The following PTPRT variants were observed in gnomAD, a reference collection of about 807,000 sequenced individuals.
The protein encoded by PTPRT is protein tyrosine phosphatase receptor type T.
PTPRT carries 56 observed loss-of-function variants against 176.8 expected under a neutral mutation model. The observed-to-expected ratio is 0.32, with a 90% CI of 0.26 to 0.40. The LOEUF is 0.40. PTPRT is among the 10% of genes least tolerant of loss of function. The pLI is 1.00. For missense variants in PTPRT, 1,540 were observed against 1,908.2 expected, an observed-to-expected ratio of 0.81 and a Z score of 3.60; for synonymous variants, 783 against 739.0, an observed-to-expected ratio of 1.06 and a Z score of -0.96.
intron 1 of PTPRT, among the ~76,000 whole-genome samples, chr20:43,151,099 G>A (rs1420402676): frequency 6.6e-6 from 1 of 151,978 alleles, no homozygotes; most frequent in East Asian, 2.0e-4. Context: ...CTGAGGTCAG[G>A]AGTTCAAGAC....
At chr20:42,628,057 A>T (rs571339697) in intron 7 of PTPRT, among the ~76,000 whole-genome samples, 2 of 152,180 alleles carry the variant, frequency 1.3e-5, no homozygotes, top group South Asian at 2.1e-4. Flanking sequence ...CCTAGGAGCC[A>T]TCACAGCCCC....
chr20:42,174,733 C>T (rs960762090), intron 16 of PTPRT, among the ~76,000 whole-genome samples: 3 of 152,156 alleles, frequency 2.0e-5, no homozygotes, highest in South Asian at 2.1e-4. Flanking sequence ...TGGTCTAACA[C>T]GTACAGACTT....
chr20:42,704,307 T>C (rs2076018302), intron 6 of PTPRT, among the ~76,000 whole-genome samples: 1 of 151,664 alleles, frequency 6.6e-6, no homozygotes, highest in Admixed American at 6.6e-5. Context: ...CTTAACACTG[T>C]CTTGCCGAGA....
chr20:42,342,200 A>C (rs376510996), intron 11 of PTPRT, among the ~76,000 whole-genome samples: 8 of 152,334 alleles, frequency 5.3e-5, no homozygotes, highest in African/African-American at 1.9e-4. Flanking sequence ...TATGTATCCC[A>C]ATGGTTGGCA....
intron 9 of PTPRT, among the ~76,000 whole-genome samples, chr20:42,374,604 A>C (rs1263570955): frequency 1.3e-5 from 2 of 152,220 alleles, no homozygotes; most frequent in Non-Finnish European, 2.9e-5. Flanking sequence ...AGAACATGCA[A>C]ATAGAAAAAC....
intron 7 of PTPRT, among the ~76,000 whole-genome samples, chr20:42,561,330 G>A (rs1358929260): frequency 1.3e-5 from 2 of 152,220 alleles, no homozygotes; most frequent in Admixed American, 6.5e-5. Flanking sequence ...AAGGGCAGAG[G>A]CTGGGCCGGG....
At chr20:42,071,615 C>A (rs960066690), downstream of PTPRT, among the ~76,000 whole-genome samples, 7 of 152,128 alleles carry the variant, frequency 4.6e-5, no homozygotes, top group Admixed American at 2.6e-4. Flanking sequence ...GCATCAGGAA[C>A]CACTGGTTTC....
At chr20:42,832,367 A>G (rs1489452378) in intron 2 of PTPRT, among the ~76,000 whole-genome samples, 3 of 152,144 alleles carry the variant, frequency 2.0e-5, no homozygotes, top group African/African-American at 7.2e-5. Context: ...TTGAGGGTGG[A>G]GAGGGAGAGG....
intron 2 of PTPRT, among the ~76,000 whole-genome samples, chr20:42,799,564 G>C (rs2077500474): frequency 6.6e-6 from 1 of 152,072 alleles, no homozygotes. Flanking sequence ...GAAAAACAAT[G>C]GAACCCAAAA....
At chr20:42,781,082 G>A (rs892769960) in intron 3 of PTPRT, among the ~76,000 whole-genome samples, 5 of 151,888 alleles carry the variant, frequency 3.3e-5, no homozygotes, top group South Asian at 4.1e-4. Context: ...AGTCTCTACC[G>A]ACAGTCTCAT....
At chr20:42,856,326 C>T (rs1051610163) in intron 2 of PTPRT, among the ~76,000 whole-genome samples, 1 of 152,044 alleles carries the variant, frequency 6.6e-6, no homozygotes, top group East Asian at 1.9e-4. Flanking sequence ...CAGGTAACTG[C>T]CCCCACTGAT....
At chr20:42,932,692 G>A (rs1245132447) in intron 1 of PTPRT, among the ~76,000 whole-genome samples, 1 of 152,224 alleles carries the variant, frequency 6.6e-6, no homozygotes, top group East Asian at 1.9e-4. Context: ...GGTCACCCCA[G>A]CACCAGCCCA....
chr20:42,907,309 G>A (rs887181705), intron 1 of PTPRT, among the ~76,000 whole-genome samples: 2 of 152,012 alleles, frequency 1.3e-5, no homozygotes, highest in African/African-American at 2.4e-5. Context: ...AAAAACAATC[G>A]GATTAGGAGA....
At chr20:42,478,014 C>G (rs1391394505) in intron 7 of PTPRT, among the ~76,000 whole-genome samples, 1 of 151,938 alleles carries the variant, frequency 6.6e-6, no homozygotes, top group Non-Finnish European at 1.5e-5. Flanking sequence ...CATTTATGAC[C>G]CCCTAGAATT....
chr20:42,126,928 C>T (rs1568954110), intron 19 of PTPRT, among the ~76,000 whole-genome samples: 3 of 152,226 alleles, frequency 2.0e-5, no homozygotes, highest in South Asian at 4.1e-4. Context: ...GTGGCAGAGA[C>T]GGTGTTCATC....
intron 7 of PTPRT, among the ~76,000 whole-genome samples, chr20:42,487,463 T>C (rs2071482339): frequency 6.6e-6 from 1 of 152,156 alleles, no homozygotes; most frequent in African/African-American, 2.4e-5. Context: ...AACCTGGGAA[T>C]CTGTTATCTT....
chr20:42,222,942 C>T (rs2146797341), intron 15 of PTPRT, among the ~76,000 whole-genome samples: 1 of 152,178 alleles, frequency 6.6e-6, no homozygotes, highest in Non-Finnish European at 1.5e-5. Flanking sequence ...GGGACTGAGC[C>T]CCTAACCTGT....
intron 2 of PTPRT, among the ~76,000 whole-genome samples, chr20:42,863,154 T>C (rs1234956906): frequency 2.0e-5 from 3 of 152,232 alleles, no homozygotes; most frequent in African/African-American, 7.2e-5. Flanking sequence ...GGAAATCCCG[T>C]GCTCTCCTCA....
chr20:43,079,614 T>TA lies in PTPRT; in HGVS notation c.88+110031dup, dbSNP rs546820128. Among the ~76,000 whole-genome samples, 90 of 152,316 alleles carry TA rather than the reference T, an allele frequency of 5.9e-4. No homozygotes were observed. In the South Asian group the frequency reaches 0.017, roughly 29 times the overall value. On this transcript the variant is annotated intron_variant, in intron 1 of 30. Coordinates refer to ENST00000373187, the MANE Select transcript of PTPRT (RefSeq NM_007050.6). ...ATACAATTTTGGTTAGGTTAAATCCTAGATGTATTACAGTGGTTGCTATTG... is the reference window on the plus strand; with the variant it reads ...ATACAATTTTGGTTAGGTTAAATCCTAAGATGTATTACAGTGGTTGCTATTG...
Sources: allele counts gnomAD v4.1 joint callset (sites outside exome capture counted in the v4.1 genomes callset), GRCh38; gene constraint gnomAD v4.1.1; transcripts MANE v1.5; gene names NCBI Gene and HGNC (gene_info 2026-07-23, HGNC 2026-07-21).